Variants in SLCO2A1 observed in about 807,000 individuals in gnomAD.
SLCO2A1 encodes the protein matrin F/G 1.
Under a neutral mutation model 71.7 loss-of-function variants are expected in SLCO2A1, and 60 were observed. The ratio of observed to expected loss-of-function variants is 0.84; its 90% confidence interval spans 0.68 to 1.04. The LOEUF (loss-of-function observed/expected upper bound fraction) is 1.04, where lower values mean the gene tolerates loss of function less well. Among genes scored for constraint, SLCO2A1 ranks in the 50% least tolerant of loss-of-function variants. The probability of loss-of-function intolerance (pLI) is 0.00; values close to 1 mark genes in which losing one functional copy is unlikely to be tolerated. For missense variants in SLCO2A1, 745 were observed against 813.4 expected (o/e 0.92, Z 1.02); for synonymous variants, 308 against 326.7 (o/e 0.94, Z 0.62).
intron 4 of SLCO2A1, among the ~76,000 whole-genome samples, 165 bp from the exon 5 acceptor site, chr3:133,953,926 G>T (rs1162540253): frequency 6.6e-6 from 1 of 152,110 alleles, no homozygotes; most frequent in Non-Finnish European, 1.5e-5. Flanking sequence ...AACCACTCAA[G>T]ATTCCAAGAC....
intron 1 of SLCO2A1, among the ~76,000 whole-genome samples, chr3:134,028,867 C>A (rs1413098115): frequency 6.6e-6 from 1 of 152,230 alleles, no homozygotes; most frequent in Non-Finnish European, 1.5e-5. Flanking sequence ...GCGGATTGAA[C>A]CATTCCAGGT....
intron 1 of SLCO2A1, among the ~76,000 whole-genome samples, chr3:133,985,918 C>T (rs1247492033): frequency 6.6e-6 from 1 of 152,178 alleles, no homozygotes; most frequent in Non-Finnish European, 1.5e-5. Flanking sequence ...ATCTACAAGC[C>T]ACACAACTTA....
chr3:133,965,777 A>C (rs1451729866), intron 3 of SLCO2A1, among the ~76,000 whole-genome samples: 8 of 63,472 alleles, frequency 1.3e-4, no homozygotes, highest in Non-Finnish European at 2.9e-4. Context: ...TGGGCCCCCA[A>C]AGGGCTGGAA....
chr3:133,941,634 G>A lies in SLCO2A1; in HGVS notation c.1625+971C>T, dbSNP rs941371604. 2.0e-5 allele frequency among the ~76,000 whole-genome samples: 3 copies of A among 152,086 alleles called. No homozygotes were observed. The South Asian group carries it at 6.2e-4, about 32-fold the overall frequency. On this transcript the variant is annotated intron_variant, in intron 11 of 13. Coordinates refer to ENST00000310926, the MANE Select transcript of SLCO2A1 (RefSeq NM_005630.3). ...AGGTGAAGAGCGGGTCATTCCCAGT[G>A]AAAACCTCAGAAGCATTCATTGCCA...
At chr3:133,956,156 C>A (rs1408033627) in intron 3 of SLCO2A1, among the ~76,000 whole-genome samples, 1 of 152,214 alleles carries the variant, frequency 6.6e-6, no homozygotes, top group African/African-American at 2.4e-5. Flanking sequence ...CAATCTCACT[C>A]GCTTAACACT....
intron 1 of SLCO2A1, among the ~76,000 whole-genome samples, chr3:134,012,790 A>G (rs1935368673): frequency 6.6e-6 from 1 of 152,110 alleles, no homozygotes; most frequent in African/African-American, 2.4e-5. Context: ...TCTTCTCCCC[A>G]TAGGTCCCTA....
intron 6 of SLCO2A1, chr3:133,949,313 T>C: frequency 3.6e-6 from 1 of 276,820 alleles, no homozygotes; most frequent in Non-Finnish European, 7.0e-6. Flanking sequence ...GCTACGCTTC[T>C]CCCCTACCCT....
chr3:133,972,813 A>T (rs1240521194), intron 3 of SLCO2A1, among the ~76,000 whole-genome samples: 4 of 152,198 alleles, frequency 2.6e-5, no homozygotes, highest in African/African-American at 9.6e-5. Context: ...ATTTTCGGAC[A>T]AAGACTTAGA....
At chr3:133,960,546 G>A (rs2108048664) in intron 3 of SLCO2A1, among the ~76,000 whole-genome samples, 1 of 152,288 alleles carries the variant, frequency 6.6e-6, no homozygotes, top group East Asian at 1.9e-4. Flanking sequence ...CCAGGGACTG[G>A]GGGAGATGGG....
chr3:133,953,825 C>T (rs1284377950), intron 4 of SLCO2A1, 64 bp from the exon 5 acceptor site: 6 of 1,320,268 alleles, frequency 4.5e-6, no homozygotes, highest in Non-Finnish European at 6.5e-6. Flanking sequence ...GCCTTGGGCT[C>T]CCAAGCTGAG....
intron 11 of SLCO2A1, 149 bp downstream of exon 11, chr3:133,942,456 A>C: frequency 1.2e-6 from 1 of 829,844 alleles, no homozygotes; most frequent in Non-Finnish European, 1.8e-6. Flanking sequence ...ATTTCCCCTC[A>C]GCAAAAGAAC....
chr3:133,980,475 C>T (rs1199055813), intron 1 of SLCO2A1, among the ~76,000 whole-genome samples: 1 of 152,228 alleles, frequency 6.6e-6, no homozygotes, highest in African/African-American at 2.4e-5. Context: ...GCTCTGGGCT[C>T]CCCCAGGTTC....
At position 133,934,036 on chromosome 3, in the gene SLCO2A1, C is replaced by T. The variant is rs1201428108; in HGVS notation, c.*677G>A. 1 of 152,280 alleles carries T rather than the reference C, an allele frequency of 6.6e-6. No individual in the cohort carries two copies. The highest frequency in any genetic ancestry group is 1.5e-5 in the Non-Finnish European group (1 of 68,076). The allele number at this position is 152,280 out of a possible 1,614,324, so 9.4% of individuals were successfully genotyped here. On this transcript the variant is annotated 3_prime_UTR_variant, in exon 14 of 14. Transcript: ENST00000310926. Reference sequence around the variant, plus strand: ...ATGGACAGCACTTAGATGACCCATCCTTGGGGTTTCTCAGTCCCTGCTCTG... The same window carrying T: ...ATGGACAGCACTTAGATGACCCATCTTTGGGGTTTCTCAGTCCCTGCTCTG...
At chr3:133,960,323 G>T (rs1934007281) in intron 3 of SLCO2A1, among the ~76,000 whole-genome samples, 1 of 152,124 alleles carries the variant, frequency 6.6e-6, no homozygotes, top group African/African-American at 2.4e-5. Flanking sequence ...ATCAACAGAT[G>T]AATGGGTAAA....
chr3:133,996,082 A>G (rs964903599), intron 1 of SLCO2A1, among the ~76,000 whole-genome samples: 12 of 152,134 alleles, frequency 7.9e-5, no homozygotes, highest in African/African-American at 2.4e-4. Flanking sequence ...CTGGAGACTC[A>G]CTCCTCTTTG....
In SLCO2A1 at chr3:133,987,649, C is replaced by T. The variant is rs371584182; in HGVS notation, c.97-8031G>A. ...ACCACCTTGGGAACATGTTCTCAGG[C>T]CCTGTCACGGGCCATGGTCACTCAT... On this transcript the variant is annotated intron_variant, in intron 1 of 13. Transcript: ENST00000310926. 1.4e-4 allele frequency among the ~76,000 whole-genome samples: 22 copies of T among 152,334 alleles called. 1 individual carries two copies. The highest frequency in any genetic ancestry group is 2.6e-4 in the African/African-American group (11 of 41,568).
At chr3:133,999,542 A>G (rs1935057086) in intron 1 of SLCO2A1, among the ~76,000 whole-genome samples, 1 of 152,242 alleles carries the variant, frequency 6.6e-6, no homozygotes. Flanking sequence ...GCACATGCAC[A>G]AAACAGTGAC....
chr3:133,936,390 C>T (rs1343742729), intron 12 of SLCO2A1, among the ~76,000 whole-genome samples: 1 of 152,130 alleles, frequency 6.6e-6, no homozygotes, highest in African/African-American at 2.4e-5. Context: ...GGTTCGAATC[C>T]CATGTACTTC....
chr3:134,020,056 A>T (rs765801808), intron 1 of SLCO2A1, among the ~76,000 whole-genome samples: 1 of 152,140 alleles, frequency 6.6e-6, no homozygotes, highest in Admixed American at 6.5e-5. Flanking sequence ...GATTACAGAC[A>T]TTGTATAGAA....
Sources: gnomAD v4.1 joint callset for allele counts (sites outside exome capture counted in the v4.1 genomes callset) on GRCh38, gnomAD v4.1.1 for gene constraint, MANE v1.5 for transcripts, NCBI Gene and HGNC (gene_info 2026-07-23, HGNC 2026-07-21) for gene names.